Variants in CCSER1 observed in about 807,000 individuals in gnomAD.
CCSER1 encodes the protein serine-rich coiled-coil domain-containing protein 1.
A neutral mutation model predicts 82.0 loss-of-function variants in CCSER1; 41 were observed. That is an observed-to-expected ratio of 0.50 (90% CI 0.39 to 0.65). The LOEUF is 0.65. Ranked by LOEUF, CCSER1 falls within the 30% of genes least tolerant of loss-of-function variation. The pLI is 0.00. For synonymous variants in CCSER1, 414 were observed against 383.9 expected (o/e 1.08, Z -0.92); for missense variants, 1,119 against 1,064.2 (o/e 1.05, Z -0.72).
chr4:90,854,988 A>AGT (rs137938428), intron 8 of CCSER1, among the ~76,000 whole-genome samples: 41,694 of 151,100 alleles, frequency 0.28, 5,829 homozygotes, highest in South Asian at 0.3. Context: ...GGCACGAGAG[A>AGT]GTGTGTGTGT....
At chr4:91,538,716 C>A (rs1323635038) in intron 10 of CCSER1, among the ~76,000 whole-genome samples, 5 of 29,970 alleles carry the variant, frequency 1.7e-4, no homozygotes, top group East Asian at 1.4e-3. Flanking sequence ...TATATAATAT[C>A]TCAGTGCCAT....
chr4:91,189,694 G>A (rs1734844529), intron 10 of CCSER1, among the ~76,000 whole-genome samples: 2 of 151,366 alleles, frequency 1.3e-5, no homozygotes, highest in East Asian at 3.9e-4. Flanking sequence ...CTTATAATTT[G>A]TTTCTTCCCA....
chr4:90,157,898 T>C (rs1013230808), intron 1 of CCSER1, among the ~76,000 whole-genome samples: 3 of 152,244 alleles, frequency 2.0e-5, no homozygotes, highest in Non-Finnish European at 4.4e-5. Flanking sequence ...TCCGTCCAGC[T>C]TTGTTCCGTT....
intron 10 of CCSER1, among the ~76,000 whole-genome samples, chr4:91,349,204 G>T (rs1748293937): frequency 1.3e-5 from 2 of 149,522 alleles, no homozygotes; most frequent in Admixed American, 1.3e-4. Context: ...ACGGCGCCCG[G>T]CCAATTTTTT....
chr4:90,688,003 G>T (rs1735132868), intron 6 of CCSER1, among the ~76,000 whole-genome samples: 1 of 152,108 alleles, frequency 6.6e-6, no homozygotes, highest in South Asian at 2.1e-4. Context: ...ACAGAAACCA[G>T]AAAAGCTCGA....
At chr4:91,014,047 T>C (rs1039752469) in intron 9 of CCSER1, among the ~76,000 whole-genome samples, 1 of 134,030 alleles carries the variant, frequency 7.5e-6, no homozygotes, top group Non-Finnish European at 1.7e-5. Context: ...GAGTCCTTCA[T>C]GTTATATCTT....
chr4:90,164,832 C>A (rs1730156708), intron 1 of CCSER1, among the ~76,000 whole-genome samples: 1 of 152,054 alleles, frequency 6.6e-6, no homozygotes, highest in Non-Finnish European at 1.5e-5. Flanking sequence ...ATACACTTTG[C>A]TACCTTTTGA....
chr4:90,865,216 A>T (rs1014023958), intron 8 of CCSER1, among the ~76,000 whole-genome samples: 1 of 152,086 alleles, frequency 6.6e-6, no homozygotes, highest in Non-Finnish European at 1.5e-5. Flanking sequence ...ATTGACAGGA[A>T]CAGGCTAGAA....
In CCSER1 at chr4:91,317,588, A is replaced by ACGTGTGTGTGTGTG. The variant is rs1384752835; in HGVS notation, c.2217+231609_2217+231622dup. Among the ~76,000 whole-genome samples the ACGTGTGTGTGTGTG allele has an allele frequency of 1.4e-4, 18 of 133,068 alleles. 1 individual carries two copies. The South Asian group carries it at 3.7e-3, about 27-fold the overall frequency. 87.3% of individuals were successfully genotyped at this position (133,068 alleles called of 152,430 possible). A position where few individuals can be genotyped will look rare whatever the true frequency, so the allele number is the denominator to read the frequency against. The stretch of plus-strand genomic sequence containing the variant: ...CAAACATTTAGGAAACAAAGTATAT[A>ACGTGTGTGTGTGTG]CGTGTGTGTGTGTGCGTGTGTGTGT... On this transcript the variant is annotated intron_variant, in intron 10 of 10. Coordinates refer to ENST00000509176, the MANE Select transcript of CCSER1 (RefSeq NM_001145065.2).
intron 4 of CCSER1, among the ~76,000 whole-genome samples, chr4:90,404,823 C>T (rs1378616786): frequency 1.2e-4 from 18 of 152,184 alleles, no homozygotes; most frequent in Non-Finnish European, 1.5e-5. Context: ...GAGAGTACCA[C>T]ATCAAGGGAG....
chr4:91,301,501 T>G (rs1438651463), intron 10 of CCSER1, among the ~76,000 whole-genome samples: 1 of 150,600 alleles, frequency 6.6e-6, no homozygotes, highest in African/African-American at 2.4e-5. Context: ...TTAGGTGGAG[T>G]CATTATTTGC....
intron 6 of CCSER1, among the ~76,000 whole-genome samples, chr4:90,631,902 C>T (rs767930111): frequency 2.0e-5 from 3 of 151,986 alleles, no homozygotes; most frequent in African/African-American, 4.8e-5. Context: ...ATATATGAAA[C>T]ATAAATGACT....
intron 5 of CCSER1, among the ~76,000 whole-genome samples, chr4:90,485,242 G>C (rs539551266): frequency 4.6e-5 from 7 of 152,296 alleles, no homozygotes; most frequent in Admixed American, 4.6e-4. Flanking sequence ...TATTAGGGTG[G>C]GAGTGACCCA....
intron 4 of CCSER1, among the ~76,000 whole-genome samples, chr4:90,418,224 G>A (rs1026746275): frequency 9.9e-5 from 15 of 151,924 alleles, no homozygotes; most frequent in African/African-American, 3.6e-4. Context: ...CTCATGTCCA[G>A]CATATATATT....
chr4:90,195,659 A>G (rs574594038), intron 1 of CCSER1, among the ~76,000 whole-genome samples: 33 of 152,172 alleles, frequency 2.2e-4, no homozygotes, highest in African/African-American at 7.5e-4. Context: ...CAGGGGGTAT[A>G]TGGGAAATCT....
intron 5 of CCSER1, among the ~76,000 whole-genome samples, chr4:90,557,843 C>G (rs1025240431): frequency 6.6e-6 from 1 of 152,020 alleles, no homozygotes; most frequent in African/African-American, 2.4e-5. Context: ...TATTTAGTAC[C>G]ATAGCCTTAA....
At chr4:91,031,592 C>T (rs1033291432) in intron 9 of CCSER1, among the ~76,000 whole-genome samples, 2 of 151,986 alleles carry the variant, frequency 1.3e-5, no homozygotes, top group Admixed American at 6.6e-5. Flanking sequence ...TTTGGTTTGA[C>T]TATATTTTTC....
chr4:90,315,423 T>C (rs555041912), intron 3 of CCSER1, among the ~76,000 whole-genome samples: 1 of 152,366 alleles, frequency 6.6e-6, no homozygotes, highest in African/African-American at 2.4e-5. Context: ...CAAAAACTAC[T>C]TCACGATCTT....
At chr4:91,074,400 T>G (rs1423594649) in intron 9 of CCSER1, among the ~76,000 whole-genome samples, 1 of 152,206 alleles carries the variant, frequency 6.6e-6, no homozygotes, top group African/African-American at 2.4e-5. Context: ...GCCACTAACA[T>G]CAGTGCATGT....
Sources: allele counts gnomAD v4.1 joint callset (sites outside exome capture counted in the v4.1 genomes callset), GRCh38; gene constraint gnomAD v4.1.1; transcripts MANE v1.5; gene names NCBI Gene and HGNC (gene_info 2026-07-23, HGNC 2026-07-21).